MMP19: variants seen among roughly 807,000 people sequenced by gnomAD.
MMP19 encodes matrix metallopeptidase 19.
In MMP19, 47 loss-of-function variants were observed where a neutral mutation model predicts 46.6. The ratio of observed to expected loss-of-function variants is 1.01; its 90% CI spans 0.80 to 1.29. MMP19 has a LOEUF of 1.29. Among genes scored for constraint, MMP19 ranks in the 50% most tolerant of loss-of-function variants. The pLI, the probability that MMP19 is intolerant of heterozygous loss-of-function variation, is 0.00. For synonymous variants in MMP19, 222 were observed against 248.5 expected, an observed-to-expected ratio of 0.89 and a Z score of 1.00; for missense variants, 589 against 643.5, an observed-to-expected ratio of 0.92 and a Z score of 0.92.
At position 55,838,011 on chromosome 12, in the gene MMP19, A is replaced by C. The variant is rs991024489; in HGVS notation, c.896-4T>G. On this transcript the variant is annotated splice_region_variant and splice_polypyrimidine_tract_variant and intron_variant, in intron 6 of 8. Coordinates refer to ENST00000322569, the MANE Select transcript of MMP19 (RefSeq NM_002429.6). ...GCATAGGTCTTCCCACGGGGCCCTG[A>C]GCGTAATGGTGTGTCAACAAGTCAA... The C allele has an allele frequency of 6.4e-7, 1 of 1,567,792 alleles. No homozygotes were observed. The highest frequency in any genetic ancestry group is 8.7e-7 in the Non-Finnish European group (1 of 1,151,410).
Position 55,841,967 on chromosome 12 carries a change from C to T in MMP19, c.173+386G>A, listed in dbSNP as rs1007763924. Reference sequence around the variant, plus strand: ...GAGCAGAAAGAAAAATAATCCATTACATCAACATATAAAACTATAAAATAG... The same window carrying T: ...GAGCAGAAAGAAAAATAATCCATTATATCAACATATAAAACTATAAAATAG... On this transcript the variant is annotated intron_variant, in intron 2 of 8. Transcript: ENST00000322569. Among the ~76,000 whole-genome samples, 6 of 152,194 alleles carry T rather than the reference C, an allele frequency of 3.9e-5. No individual in the cohort carries two copies. The South Asian group carries it at 1.0e-3, about 26-fold the overall frequency.
intron 4 of MMP19, 73 bp from the exon 5 acceptor site, chr12:55,839,814 A>G: frequency 6.7e-7 from 1 of 1,503,588 alleles, no homozygotes. Context: ...CCTATTATAA[A>G]CTCTAATTAA....
At chr12:55,841,052 G>T in intron 3 of MMP19, 54 bp downstream of exon 3, 4 of 1,595,972 alleles carry the variant, frequency 2.5e-6, no homozygotes, top group Middle Eastern at 4.4e-4. Context: ...CCACCCACAC[G>T]CCAGAACCAC....
At chr12:55,841,359 T>C in intron 2 of MMP19, 123 bp from the exon 3 acceptor site, 2 of 1,112,710 alleles carry the variant, frequency 1.8e-6, no homozygotes, top group Non-Finnish European at 2.6e-6. Context: ...TCCCTGAAGC[T>C]GACAGGGTTA....
chr12:55,835,905 C>G lies in MMP19; in HGVS notation c.*1131G>C, dbSNP rs1428881525. On this transcript the variant is annotated 3_prime_UTR_variant, in exon 9 of 9. Transcript: ENST00000322569. ...CACAGGGCAGTGCCTGCCTCAGGAC[C>G]TGCCTTCCCCAAAAGCTGGCTTCTT... The G allele has an allele frequency of 6.6e-6, 1 of 152,088 alleles. No homozygotes were observed. Among genetic ancestry groups the G allele is most frequent in the Non-Finnish European group, 1.5e-5 (1 of 67,994 alleles). The allele number at this position is 152,088 out of a possible 1,614,324, so 9.4% of individuals were successfully genotyped here. A position where few individuals can be genotyped will look rare whatever the true frequency, so the allele number is the denominator to read the frequency against.
Position 55,837,355 on chromosome 12 carries a change from C to T in MMP19, c.1208G>A (p.Trp403Ter). ...GAAGTCAGTTCGGGCTAGCTCGTCC[C>T]ACTGCCAGTACCCGGAGCCCTGGAT... is the stretch of plus-strand genomic sequence containing the variant. The part of the protein sequence containing the change: ...FLFKGSGYWQ[W>*]DELARTDFSS... Residue 403 changes from tryptophan (W) to a stop codon, truncating the protein, a stop_gained, in exon 9 of 9, where the codon TGG becomes TAG. Coordinates refer to ENST00000322569, the MANE Select transcript of MMP19 (RefSeq NM_002429.6). LOFTEE classifies it low-confidence loss of function (END_TRUNC). 6.2e-7 allele frequency: 1 copy of T among 1,603,280 alleles called. No homozygotes were observed. Among genetic ancestry groups the T allele is most frequent in the Non-Finnish European group, 8.5e-7 (1 of 1,171,754 alleles).
chr12:55,841,663 C>T (rs1423002958), intron 2 of MMP19, among the ~76,000 whole-genome samples: 3 of 152,126 alleles, frequency 2.0e-5, no homozygotes, highest in Non-Finnish European at 4.4e-5. Context: ...AAGCAATCCC[C>T]CTGCCTGGAT....
rs1565694814 is a variant in MMP19 at position 55,837,016 on chromosome 12, TTGTGTC to T, written c.*14_*19del. 1.3e-6 allele frequency: 2 copies of T among 1,538,850 alleles called. No homozygotes were observed. Among genetic ancestry groups the T allele is most frequent in the East Asian group, 4.5e-5 (2 of 44,112 alleles). On this transcript the variant is annotated 3_prime_UTR_variant, in exon 9 of 9. Transcript: ENST00000322569. ...GAGCCTCAGGGGTTAATGTCCAAGA[TTGTGTC>T]TGTGGGTGAGCAGTCAGTATTCAAA...
intron 2 of MMP19, chr12:55,841,526 C>T (rs1044949529): frequency 1.4e-4 from 36 of 259,782 alleles, no homozygotes; most frequent in African/African-American, 7.3e-4. Flanking sequence ...TTCCTTCCTT[C>T]CTTCCTTCCT....
At chr12:55,840,132 C>T in intron 4 of MMP19, 1 of 207,022 alleles carries the variant, frequency 4.8e-6, no homozygotes, top group Non-Finnish European at 9.7e-6. Context: ...TTAAGACCAG[C>T]CTGGGCAACA....
At chr12:55,842,643 AAGGC>A in intron 1 of MMP19, 97 bp downstream of exon 1, 2 of 1,016,822 alleles carry the variant, frequency 2.0e-6, no homozygotes, top group Non-Finnish European at 3.0e-6. Context: ...GAGCAAGGGA[AAGGC>A]AGGCAGGCTG....
Position 55,842,247 on chromosome 12 carries a change from G to C in MMP19, c.173+106C>G. 3 of 869,738 alleles carry C rather than the reference G, an allele frequency of 3.4e-6. No homozygotes were observed. The East Asian group carries it at 7.3e-5, about 21-fold the overall frequency. The allele number at this position is 869,738 out of a possible 1,614,324, so 53.9% of individuals were successfully genotyped here. A position where few individuals can be genotyped will look rare whatever the true frequency, so the allele number is the denominator to read the frequency against. On this transcript the variant is annotated intron_variant, in intron 2 of 8. Transcript: ENST00000322569. ...ATCGCCACCCATCTCTAAATCCCTG[G>C]CATGGTTTAGGGTCAGGAGGAGGTG...
intron 8 of MMP19, 78 bp from the exon 9 acceptor site, chr12:55,837,452 C>T: frequency 1.3e-6 from 2 of 1,583,276 alleles, no homozygotes; most frequent in Non-Finnish European, 1.7e-6. Context: ...CCCCAGCCCA[C>T]TGCAGCTGCA....
chr12:55,840,291 G>A (rs1881584197), intron 4 of MMP19, among the ~76,000 whole-genome samples: 1 of 144,880 alleles, frequency 6.9e-6, no homozygotes, highest in Non-Finnish European at 1.5e-5. Context: ...TCCAGTCTGG[G>A]CAACAGAGTG....
intron 2 of MMP19, 159 bp from the exon 3 acceptor site, chr12:55,841,395 G>GAGGCT: frequency 2.9e-6 from 2 of 698,736 alleles, no homozygotes; most frequent in Non-Finnish European, 4.7e-6. Flanking sequence ...CTCATAACTG[G>GAGGCT]GACTTTCTCT....
chr12:55,838,556 A>G lies in MMP19; in HGVS notation c.895+50T>C, dbSNP rs1433070499. 13 of 1,613,802 alleles carry G rather than the reference A, an allele frequency of 8.1e-6. No individual in the cohort carries two copies. In the Admixed American group the frequency reaches 1.8e-4, roughly 23 times the overall value. On this transcript the variant is annotated intron_variant, in intron 6 of 8. Transcript: ENST00000322569. ...TCCCATTTGTCCAGGCCTCAGGATC[A>G]GCAGGCTGCCCCCACCGCCTGCCAA...
In MMP19 at chr12:55,836,946, A is replaced by G; in HGVS notation, c.*90T>C. ...GAGCAGACAGGTATTTCATTCAGCT[A>G]TTAGGCCTTAGGCTTCTGGGGGGGA... On this transcript the variant is annotated 3_prime_UTR_variant, in exon 9 of 9. Transcript: ENST00000322569. The G allele has an allele frequency of 1.7e-6, 2 of 1,194,770 alleles. No homozygotes were observed. The highest frequency in any genetic ancestry group is 1.5e-5 in the African/African-American group (1 of 65,382). 74.0% of individuals were successfully genotyped at this position (1,194,770 alleles called of 1,614,324 possible). A position where few individuals can be genotyped will look rare whatever the true frequency, so the allele number is the denominator to read the frequency against.
chr12:55,838,457 G>C, intron 6 of MMP19, 149 bp downstream of exon 6: 1 of 1,588,118 alleles, frequency 6.3e-7, no homozygotes, highest in Non-Finnish European at 8.6e-7. Flanking sequence ...CCCTCCCCAT[G>C]TCACATGTCT....
intron 4 of MMP19, 135 bp downstream of exon 4, chr12:55,840,532 A>G: frequency 1.2e-6 from 1 of 855,034 alleles, no homozygotes; most frequent in Non-Finnish European, 1.8e-6. Flanking sequence ...TGCTCCCGTT[A>G]GGAGGTAATT....
Sources: gnomAD v4.1 joint callset for allele counts (sites outside exome capture counted in the v4.1 genomes callset) on GRCh38, gnomAD v4.1.1 for gene constraint, MANE v1.5 for transcripts, NCBI Gene and HGNC (gene_info 2026-07-23, HGNC 2026-07-21) for gene names.